NEMP1: variants seen among roughly 807,000 people sequenced by gnomAD.
NEMP1 encodes transmembrane protein 194.
A neutral mutation model predicts 53.7 loss-of-function variants in NEMP1; 29 were observed. The ratio of observed to expected loss-of-function variants is 0.54; its 90% confidence interval spans 0.40 to 0.74. The LOEUF is 0.74. NEMP1 is among the 30% of genes least tolerant of loss of function. The pLI is 0.00. For missense variants in NEMP1, 477 were observed against 528.6 expected (o/e 0.90, Z 0.96); for synonymous variants, 193 against 192.9 (o/e 1.00, Z 0.00).
At chr12:57,062,255 A>C (rs180918705) in intron 7 of NEMP1, among the ~76,000 whole-genome samples, 1 of 152,238 alleles carries the variant, frequency 6.6e-6, no homozygotes, top group East Asian at 1.9e-4. Flanking sequence ...TGAGGTGGGC[A>C]AATCACCTGA....
intron 1 of NEMP1, among the ~76,000 whole-genome samples, chr12:57,076,001 G>C (rs891347847): frequency 2.6e-5 from 4 of 152,134 alleles, no homozygotes; most frequent in Non-Finnish European, 5.9e-5. Flanking sequence ...CTACTCGGGA[G>C]GGTGAGGTAG....
In NEMP1 at chr12:57,064,122, C is replaced by T; in HGVS notation, c.703G>A (p.Val235Ile). Residue 235 changes from valine (V) to isoleucine (I), a missense_variant, in exon 6 of 9, where the codon GTT becomes ATT. Val to Ile is a conservative substitution (Grantham distance 29). Coordinates refer to ENST00000300128, the MANE Select transcript of NEMP1 (RefSeq NM_001130963.2). Reference sequence around the variant, plus strand: ...CAGATCTCTTGTAAATTTTTAAAAACTAGTTGAATGAGGTACAGAGAAAAA... The same window carrying T: ...CAGATCTCTTGTAAATTTTTAAAAATTAGTTGAATGAGGTACAGAGAAAAA... ...WSFSLYLIQL[V>I]FKNLQEIWRC... The T allele has an allele frequency of 1.2e-6, 2 of 1,610,804 alleles. No individual in the cohort carries two copies. Among genetic ancestry groups the T allele is most frequent in the South Asian group, 1.1e-5 (1 of 90,466 alleles).
intron 4 of NEMP1, 109 bp from the exon 5 acceptor site, chr12:57,064,848 G>C: frequency 1.3e-6 from 1 of 779,498 alleles, no homozygotes; most frequent in Non-Finnish European, 2.1e-6. Flanking sequence ...TACAAGATTA[G>C]AGCAGTACAA....
Position 57,072,900 on chromosome 12 carries a change from A to C in NEMP1, c.140T>G (p.Val47Gly). The change falls in exon 2 of 9, where the codon GTA (valine) becomes GGA (glycine). Residue 47 changes from valine (V) to glycine (G), a missense_variant. Physicochemically the swap from Val to Gly is moderately radical, Grantham distance 109 (BLOSUM62 -3). Coordinates refer to ENST00000300128, the MANE Select transcript of NEMP1 (RefSeq NM_001130963.2). ...GGATTCCTGAAGCATGACCACATTT[A>C]CATCAGTTTCAGCTTTATGCAAAGA... is the stretch of plus-strand genomic sequence containing the variant. The part of the protein sequence containing the change: ...CLVYGTAETD[V>G]NVVMLQESQV... 1 of 1,612,098 alleles carries C rather than the reference A, an allele frequency of 6.2e-7. No homozygotes were observed. Among genetic ancestry groups the C allele is most frequent in the Non-Finnish European group, 8.5e-7 (1 of 1,179,082 alleles).
Position 57,060,832 on chromosome 12 carries a change from A to C in NEMP1, c.1094T>G (p.Phe365Cys). 6.2e-7 allele frequency: 1 copy of C among 1,614,096 alleles called. No homozygotes were observed. The highest frequency in any genetic ancestry group is 8.5e-7 in the Non-Finnish European group (1 of 1,180,002). Reference sequence around the variant, plus strand: ...AGCAGAGCAGTCTGGACTGTTACAAAATTCTCGGAGCTCCTCTAAAGCCTT... The same window carrying C: ...AGCAGAGCAGTCTGGACTGTTACAACATTCTCGGAGCTCCTCTAAAGCCTT... Reference protein sequence around the residue: ...TRKALEELREFCNSPDCSAWK... With the variant: ...TRKALEELRECCNSPDCSAWK... Residue 365 changes from phenylalanine (F) to cysteine (C), a missense_variant, in exon 8 of 9, where the codon TTT (phenylalanine) becomes TGT (cysteine). Coordinates refer to ENST00000300128, the MANE Select transcript of NEMP1 (RefSeq NM_001130963.2).
chr12:57,076,683 T>C (rs774660085), intron 1 of NEMP1, among the ~76,000 whole-genome samples: 5 of 152,064 alleles, frequency 3.3e-5, no homozygotes, highest in Non-Finnish European at 5.9e-5. Context: ...GGCATGCGCC[T>C]ATAATCCCAG....
chr12:57,081,029 C>T (rs2032832518), upstream of NEMP1, among the ~76,000 whole-genome samples: 1 of 152,102 alleles, frequency 6.6e-6, no homozygotes, highest in Admixed American at 6.5e-5. Flanking sequence ...CTCAGCTGAC[C>T]TAGGGAAGTC....
At chr12:57,069,102 A>T (rs1743074014) in intron 4 of NEMP1, 132 bp downstream of exon 4, 2 of 531,246 alleles carry the variant, frequency 3.8e-6, no homozygotes, top group Non-Finnish European at 3.3e-6. Context: ...GTATTTTTTT[A>T]AATATCCAAG....
At chr12:57,072,715 G>A (rs1287910651) in intron 2 of NEMP1, 73 bp downstream of exon 2, 4 of 1,468,806 alleles carry the variant, frequency 2.7e-6, no homozygotes, top group East Asian at 2.3e-5. Context: ...GGGGAAGAAA[G>A]TGTCAAAATA....
intron 2 of NEMP1, 31 bp from the exon 3 acceptor site, chr12:57,070,924 AAAGG>A (rs751604227): frequency 1.8e-4 from 285 of 1,547,440 alleles, no homozygotes; most frequent in Non-Finnish European, 2.4e-4. Context: ...GGATGAGAAA[AAAGG>A]AAGTAGGAAT....
At chr12:57,073,976 A>T (rs1057306891) in intron 1 of NEMP1, among the ~76,000 whole-genome samples, 7 of 148,544 alleles carry the variant, frequency 4.7e-5, no homozygotes, top group South Asian at 4.3e-4. Context: ...TTATTTTTTT[A>T]TTTTTTTTTT....
At chr12:57,067,793 ATAT>A (rs1278324341) in intron 4 of NEMP1, among the ~76,000 whole-genome samples, 1 of 152,060 alleles carries the variant, frequency 6.6e-6, no homozygotes, top group Non-Finnish European at 1.5e-5. Flanking sequence ...CCCGACCTGA[ATAT>A]TATTATTTTG....
chr12:57,087,269 A>G (rs1448431214), intron 1 of NEMP1, among the ~76,000 whole-genome samples: 1 of 148,086 alleles, frequency 6.8e-6, no homozygotes, highest in Non-Finnish European at 1.5e-5. Flanking sequence ...GTCTCCCTCC[A>G]GATCCTAAGG....
chr12:57,063,498 TTC>T (rs963792617), intron 6 of NEMP1, among the ~76,000 whole-genome samples, 154 bp from the exon 7 acceptor site: 10 of 152,342 alleles, frequency 6.6e-5, no homozygotes, highest in South Asian at 2.1e-4. Flanking sequence ...TAGAATATAT[TTC>T]TCTAAGTTTC....
intron 4 of NEMP1, among the ~76,000 whole-genome samples, chr12:57,065,665 CT>C (rs930476234): frequency 6.6e-6 from 1 of 151,210 alleles, no homozygotes; most frequent in Non-Finnish European, 1.5e-5. Flanking sequence ...GGTACCATGA[CT>C]TTTTTGTATT....
At chr12:57,067,679 G>A (rs192432886) in intron 4 of NEMP1, among the ~76,000 whole-genome samples, 2 of 152,342 alleles carry the variant, frequency 1.3e-5, no homozygotes, top group Admixed American at 1.3e-4. Flanking sequence ...CTGATGCTAT[G>A]TAGTTACTGC....
Position 57,055,912 on chromosome 12 carries a change from T to C in NEMP1, c.*3967A>G, listed in dbSNP as rs1413540038. 6.6e-6 allele frequency: 1 copy of C among 152,248 alleles called. No homozygotes were observed. Among genetic ancestry groups the C allele is most frequent in the Non-Finnish European group, 1.5e-5 (1 of 68,044 alleles). The allele number at this position is 152,248 out of a possible 1,614,324, so 9.4% of individuals were successfully genotyped here. ...TATTTCAATATCAATTCCACAAACA[T>C]GGAAAATTATGGTAACTGCAGGCTG... On this transcript the variant is annotated 3_prime_UTR_variant, in exon 9 of 9. Coordinates refer to ENST00000300128, the MANE Select transcript of NEMP1 (RefSeq NM_001130963.2).
intron 4 of NEMP1, among the ~76,000 whole-genome samples, 195 bp from the exon 5 acceptor site, chr12:57,064,934 A>C (rs1448538824): frequency 6.6e-6 from 1 of 152,242 alleles, no homozygotes; most frequent in Non-Finnish European, 1.5e-5. Flanking sequence ...AGTAAGTCAC[A>C]CAAATTTTTT....
At chr12:57,060,407 T>G (rs1485116812) in intron 8 of NEMP1, among the ~76,000 whole-genome samples, 1 of 152,204 alleles carries the variant, frequency 6.6e-6, no homozygotes, top group Non-Finnish European at 1.5e-5. Context: ...CCCTGTAAAC[T>G]TTATGCCATC....
Sources: gnomAD v4.1 joint callset for allele counts (sites outside exome capture counted in the v4.1 genomes callset) on GRCh38, gnomAD v4.1.1 for gene constraint, MANE v1.5 for transcripts, NCBI Gene and HGNC (gene_info 2026-07-23, HGNC 2026-07-21) for gene names.